The following CRYBG3 variants were observed in gnomAD, a reference collection of about 807,000 sequenced individuals.
CRYBG3 encodes very large A-kinase anchor protein.
In CRYBG3, 127 loss-of-function variants were observed where a neutral mutation model predicts 244.2. The ratio of observed to expected loss-of-function variants is 0.52; its 90% CI spans 0.45 to 0.60. The LOEUF is 0.60. Ranked by LOEUF, CRYBG3 falls within the 20% of genes least tolerant of loss-of-function variation. The pLI, the probability that CRYBG3 is intolerant of heterozygous loss-of-function variation, is 0.00. For missense variants in CRYBG3, 3,325 were observed against 3,442.5 expected, an observed-to-expected ratio of 0.97 and a Z score of 0.85; for synonymous variants, 1,132 against 1,195.8, an observed-to-expected ratio of 0.95 and a Z score of 1.10.
intron 17 of CRYBG3, among the ~76,000 whole-genome samples, chr3:97,930,196 T>C (rs1420510897): frequency 2.0e-5 from 3 of 152,078 alleles, no homozygotes; most frequent in East Asian, 3.9e-4. Flanking sequence ...CAGCCAGCTC[T>C]TCTCTGGGGA....
At chr3:97,870,916 C>T (rs542595681) in intron 3 of CRYBG3, among the ~76,000 whole-genome samples, 3 of 152,102 alleles carry the variant, frequency 2.0e-5, no homozygotes, top group South Asian at 2.1e-4. Context: ...ATGTTGTGCT[C>T]TGTGCACCCA....
At chr3:97,919,289 A>G (rs958298691) in intron 17 of CRYBG3, among the ~76,000 whole-genome samples, 2 of 152,148 alleles carry the variant, frequency 1.3e-5, no homozygotes, top group Non-Finnish European at 2.9e-5. Flanking sequence ...TTAGAATTCT[A>G]AAATCATCAG....
In CRYBG3 at chr3:97,942,460, AC is replaced by A; in HGVS notation, c.8824+20del. The A allele has an allele frequency of 1.3e-6, 2 of 1,598,232 alleles. No homozygotes were observed. Among genetic ancestry groups the A allele is most frequent in the Non-Finnish European group, 1.7e-6 (2 of 1,170,876 alleles). ...ATGTTAAAGGTGGGCCTTTGATGAT[AC>A]CCAATGTTGTGTCCCTGGATATTAG... On this transcript the variant is annotated intron_variant, in intron 21 of 21. Transcript: ENST00000389622.
intron 2 of CRYBG3, among the ~76,000 whole-genome samples, chr3:97,845,204 A>C (rs934876496): frequency 6.6e-6 from 1 of 152,186 alleles, no homozygotes; most frequent in African/African-American, 2.4e-5. Flanking sequence ...TCAGAACCAT[A>C]ACAGATTTAT....
At chr3:97,934,273 C>T (rs575030404) in intron 18 of CRYBG3, among the ~76,000 whole-genome samples, 2 of 151,902 alleles carry the variant, frequency 1.3e-5, no homozygotes, top group Non-Finnish European at 2.9e-5. Context: ...GGGGCCTGTG[C>T]TTTTACAAAT....
At chr3:97,841,421 G>A (rs947065058) in intron 1 of CRYBG3, among the ~76,000 whole-genome samples, 2 of 151,744 alleles carry the variant, frequency 1.3e-5, no homozygotes, top group Non-Finnish European at 2.9e-5. Context: ...TGGTCCATGT[G>A]TTTCTGCATG....
intron 7 of CRYBG3, among the ~76,000 whole-genome samples, chr3:97,881,573 G>A (rs568318666): frequency 1.4e-4 from 21 of 151,062 alleles, no homozygotes; most frequent in African/African-American, 4.9e-4. Flanking sequence ...AAAATTGGCC[G>A]GGCGTGGTGG....
intron 2 of CRYBG3, among the ~76,000 whole-genome samples, chr3:97,843,606 G>A (rs886835847): frequency 2.6e-5 from 4 of 152,134 alleles, no homozygotes; most frequent in Non-Finnish European, 5.9e-5. Context: ...GGAAGTTCTG[G>A]GATTTATGAG....
Position 97,843,147 on chromosome 3 carries a change from C to T in CRYBG3, c.150-48C>T, listed in dbSNP as rs527676450. 9.4e-5 allele frequency: 118 copies of T among 1,249,384 alleles called. 1 individual carries two copies. In the South Asian group the frequency reaches 1.1e-3, roughly 11 times the overall value. 77.4% of individuals were successfully genotyped at this position (1,249,384 alleles called of 1,614,324 possible). On this transcript the variant is annotated intron_variant, in intron 1 of 21. Coordinates refer to ENST00000389622, the MANE Select transcript of CRYBG3 (RefSeq NM_153605.4). ...TTTAAATACAGAAAACTTTTAGTTT[C>T]GTAATTTTCTTTTAATTTCAAAAGA...
chr3:97,832,909 T>C (rs895325957), intron 1 of CRYBG3, among the ~76,000 whole-genome samples: 5 of 152,098 alleles, frequency 3.3e-5, no homozygotes, highest in African/African-American at 1.2e-4. Flanking sequence ...ACAAAGGATA[T>C]GAAGAGACAC....
chr3:97,902,416 A>G (rs1238420844), intron 15 of CRYBG3, among the ~76,000 whole-genome samples: 1 of 151,046 alleles, frequency 6.6e-6, no homozygotes, highest in Non-Finnish European at 1.5e-5. Context: ...ATCACTTTTT[A>G]TTTTTTAATT....
chr3:97,876,640 C>T lies in CRYBG3; in HGVS notation c.5446C>T (p.Pro1816Ser), dbSNP rs570490720. Residue 1816 changes from proline to serine, a missense_variant, in exon 4 of 22, where the codon CCT becomes TCT. This residue lies in a region of CRYBG3 where 635 missense variants were observed against 771.7 expected (regional missense o/e 0.82). Transcript: ENST00000389622. Reference sequence around the variant, plus strand: ...AGTGAAGGAAGCACACGAGACAGCACCTGCCCCCTTAGAAATGGAAAAAGC... The same window carrying T: ...AGTGAAGGAAGCACACGAGACAGCATCTGCCCCCTTAGAAATGGAAAAAGC... ...LKVKEAHETAPAPLEMEKACK... is the reference protein window; with the variant it reads ...LKVKEAHETASAPLEMEKACK... 4.1e-5 allele frequency: 51 copies of T among 1,235,512 alleles called. No homozygotes were observed. Among genetic ancestry groups the T allele is most frequent in the Non-Finnish European group, 4.9e-5 (49 of 990,324 alleles). The allele number at this position is 1,235,512 out of a possible 1,614,324, so 76.5% of individuals were successfully genotyped here.
chr3:97,897,026 G>A (rs1480653082), intron 12 of CRYBG3, among the ~76,000 whole-genome samples: 1 of 151,700 alleles, frequency 6.6e-6, no homozygotes, highest in Non-Finnish European at 1.5e-5. Context: ...CAGTATTTAG[G>A]CTCCAGGGAC....
At chr3:97,855,155 G>A (rs555425547) in intron 2 of CRYBG3, among the ~76,000 whole-genome samples, 2 of 152,196 alleles carry the variant, frequency 1.3e-5, no homozygotes, top group South Asian at 2.1e-4. Context: ...TGTTGTATAT[G>A]TTGAATTGTC....
rs576543733 is a variant in CRYBG3 at position 97,934,514 on chromosome 3, AAC to A, written c.8381+687_8381+688del. 2.0e-3 allele frequency among the ~76,000 whole-genome samples: 297 copies of A among 152,136 alleles called. 2 individuals are homozygous for A. Among genetic ancestry groups the A allele is most frequent in the African/African-American group, 6.4e-3 (267 of 41,528 alleles). ...TCTGGTAGCAAAAGTCAACTAAAAA[AAC>A]ACACATAGCTCTTGACGGTTAATAA... On this transcript the variant is annotated intron_variant, in intron 18 of 21. Transcript: ENST00000389622.
At chr3:97,904,361 A>G (rs2039739873) in intron 15 of CRYBG3, among the ~76,000 whole-genome samples, 1 of 152,182 alleles carries the variant, frequency 6.6e-6, no homozygotes, top group Non-Finnish European at 1.5e-5. Context: ...TTGGACAAAG[A>G]TTATTTTAAC....
At chr3:97,908,976 G>A (rs368934790) in intron 15 of CRYBG3, among the ~76,000 whole-genome samples, 2 of 152,036 alleles carry the variant, frequency 1.3e-5, no homozygotes, top group East Asian at 3.9e-4. Flanking sequence ...ATGCTTGTCT[G>A]TAAAGTATTT....
chr3:97,878,029 T>C lies in CRYBG3; in HGVS notation c.6835T>C (p.Phe2279Leu). ...VQDSPGRLSP[F>L]IENVDKQTLR... is the part of the protein sequence containing the mutation. ...AGACAGCCCAGGCAGATTGAGCCCA[T>C]TTATAGAGGTAAGTTATTTTGTTTA... Residue 2279 changes from phenylalanine (F) to leucine (L), a missense_variant, in exon 4 of 22, where the codon TTT becomes CTT. Around this residue, in one of 4 missense-constraint regions of CRYBG3, gnomAD observed 450 missense variants for 424.1 expected, o/e 1.06. Coordinates refer to ENST00000389622, the MANE Select transcript of CRYBG3 (RefSeq NM_153605.4). 6.2e-7 allele frequency: 1 copy of C among 1,601,932 alleles called. No homozygotes were observed. Among genetic ancestry groups the C allele is most frequent in the Admixed American group, 1.8e-5 (1 of 56,704 alleles).
intron 17 of CRYBG3, among the ~76,000 whole-genome samples, chr3:97,919,186 G>C (rs1342366535): frequency 1.3e-5 from 2 of 152,092 alleles, no homozygotes; most frequent in Non-Finnish European, 2.9e-5. Context: ...TGACAGTCTG[G>C]AGGTGGTTTG....
Sources: gnomAD v4.1 joint callset for allele counts (sites outside exome capture counted in the v4.1 genomes callset) on GRCh38, gnomAD v4.1.1 for gene constraint, gnomAD v4.1.1 regional missense constraint, MANE v1.5 for transcripts, NCBI Gene and HGNC (gene_info 2026-07-23, HGNC 2026-07-21) for gene names.